PGAP1: variants seen among roughly 807,000 people sequenced by gnomAD.
PGAP1 encodes the protein GPI inositol-deacylase.
A neutral mutation model predicts 127.0 loss-of-function variants in PGAP1; 76 were observed. The observed-to-expected ratio is 0.60, with a 90% CI of 0.50 to 0.72. The LOEUF (loss-of-function observed/expected upper bound fraction) is 0.72, where lower values mean the gene tolerates loss of function less well. Ranked by LOEUF, PGAP1 falls within the 30% of genes least tolerant of loss-of-function variation. PGAP1 has a pLI of 0.00. For missense variants in PGAP1, 982 were observed against 1,071.3 expected, an observed-to-expected ratio of 0.92 and a Z score of 1.16; for synonymous variants, 362 against 366.5, an observed-to-expected ratio of 0.99 and a Z score of 0.14.
chr2:196,845,757 C>G, intron 23 of PGAP1, 125 bp downstream of exon 23: 1 of 641,530 alleles, frequency 1.6e-6, no homozygotes, highest in Non-Finnish European at 2.4e-6. Context: ...ACATTCAAAC[C>G]CGTTATGTAA....
Position 196,836,001 on chromosome 2 carries a change from C to CA in PGAP1, c.*5232dup, listed in dbSNP as rs747897834. On this transcript the variant is annotated 3_prime_UTR_variant, in exon 27 of 27. Transcript: ENST00000354764. ...AAACAAAAATGACATTAAAAAATAGCATATGAACTTTACAAAAATGGCTAC... is the reference window on the plus strand; with the variant it reads ...AAACAAAAATGACATTAAAAAATAGCAATATGAACTTTACAAAAATGGCTAC... 6.6e-6 allele frequency: 1 copy of CA among 151,958 alleles called. No homozygotes were observed. The highest frequency in any genetic ancestry group is 1.5e-5 in the Non-Finnish European group (1 of 67,868). The allele number at this position is 151,958 out of a possible 1,614,324, so 9.4% of individuals were successfully genotyped here.
intron 22 of PGAP1, 98 bp downstream of exon 22, chr2:196,846,905 G>C: frequency 5.8e-6 from 6 of 1,025,872 alleles, no homozygotes; most frequent in Non-Finnish European, 8.4e-6. Flanking sequence ...TTTTTCCTTA[G>C]AAAATAGTTT....
intron 4 of PGAP1, among the ~76,000 whole-genome samples, chr2:196,903,577 A>G (rs991678276): frequency 1.2e-3 from 183 of 151,526 alleles, no homozygotes; most frequent in African/African-American, 1.4e-3. Context: ...AAAAAAAAAA[A>G]AAAAGAAAAG....
chr2:196,886,900 G>T (rs1007601837), intron 10 of PGAP1, among the ~76,000 whole-genome samples: 22 of 152,050 alleles, frequency 1.4e-4, no homozygotes, highest in African/African-American at 5.1e-4. Flanking sequence ...ATTTCACCAT[G>T]TTGGCCAGGA....
intron 12 of PGAP1, among the ~76,000 whole-genome samples, chr2:196,882,891 T>G (rs1321025972): frequency 1.3e-5 from 2 of 152,186 alleles, no homozygotes; most frequent in Non-Finnish European, 2.9e-5. Context: ...AGTACTATGC[T>G]GAATAGGAGC....
At position 196,847,210 on chromosome 2, in the gene PGAP1, AAAG is replaced by A; in HGVS notation, c.1953-13_1953-11del. The A allele has an allele frequency of 1.3e-6, 2 of 1,589,764 alleles. No individual in the cohort carries two copies. Among genetic ancestry groups the A allele is most frequent in the South Asian group, 1.2e-5 (1 of 86,848 alleles). On this transcript the variant is annotated splice_polypyrimidine_tract_variant and intron_variant, in intron 21 of 26. Coordinates refer to ENST00000354764, the MANE Select transcript of PGAP1 (RefSeq NM_024989.4). Reference sequence around the variant, plus strand: ...TTTAAACCATTTATACCTGTGGAGAAAAGAAAATATAAAAGCAAAAAACCCAAC... The same window carrying A: ...TTTAAACCATTTATACCTGTGGAGAAAAAATATAAAAGCAAAAAACCCAAC...
At chr2:196,896,881 G>A (rs961431489) in intron 7 of PGAP1, among the ~76,000 whole-genome samples, 7 of 149,348 alleles carry the variant, frequency 4.7e-5, no homozygotes, top group Admixed American at 4.0e-4. Context: ...TTTAAGCAGT[G>A]GAAAGAACTG....
chr2:196,875,250 A>G (rs1187132707), intron 14 of PGAP1, among the ~76,000 whole-genome samples: 1 of 152,224 alleles, frequency 6.6e-6, no homozygotes, highest in Non-Finnish European at 1.5e-5. Context: ...TAGTTTAATT[A>G]ACAGTATTGC....
At chr2:196,897,708 A>C (rs1455369044) in intron 6 of PGAP1, among the ~76,000 whole-genome samples, 3 of 152,144 alleles carry the variant, frequency 2.0e-5, no homozygotes, top group Admixed American at 1.3e-4. Flanking sequence ...GTCCTACCAA[A>C]AGTGCAGTTG....
chr2:196,896,929 T>C (rs1702300043), intron 7 of PGAP1, among the ~76,000 whole-genome samples: 1 of 151,974 alleles, frequency 6.6e-6, no homozygotes, highest in African/African-American at 2.4e-5. Context: ...TCATTTTCAT[T>C]GCATTTTACA....
chr2:196,865,316 T>C (rs1701204866), intron 19 of PGAP1, among the ~76,000 whole-genome samples: 2 of 152,190 alleles, frequency 1.3e-5, no homozygotes, highest in South Asian at 2.1e-4. Flanking sequence ...GTAGCATATA[T>C]GTCCTGAAAA....
intron 24 of PGAP1, 110 bp downstream of exon 24, chr2:196,844,414 T>C: frequency 1.5e-6 from 1 of 678,064 alleles, no homozygotes; most frequent in South Asian, 2.3e-5. Flanking sequence ...AAATTCATAA[T>C]ACTGTATCTT....
At chr2:196,872,332 T>G (rs1701431817) in intron 18 of PGAP1, 109 bp downstream of exon 18, 4 of 670,190 alleles carry the variant, frequency 6.0e-6, no homozygotes, top group Non-Finnish European at 1.0e-5. Context: ...TGCCTATTTT[T>G]TATATGCATT....
intron 5 of PGAP1, among the ~76,000 whole-genome samples, chr2:196,899,949 A>G (rs1347641428): frequency 6.6e-6 from 1 of 152,236 alleles, no homozygotes; most frequent in Non-Finnish European, 1.5e-5. Context: ...GAGGCAGAAG[A>G]ATCGCTTGAA....
At chr2:196,901,187 C>T (rs756787340) in intron 5 of PGAP1, among the ~76,000 whole-genome samples, 1 of 152,194 alleles carries the variant, frequency 6.6e-6, no homozygotes, top group Non-Finnish European at 1.5e-5. Flanking sequence ...CAACAAATAT[C>T]TGACCAAAAT....
Position 196,834,880 on chromosome 2 carries a change from T to C in PGAP1, c.*6354A>G. The C allele has an allele frequency of 6.6e-6, 1 of 152,030 alleles. No individual in the cohort carries two copies. Among genetic ancestry groups the C allele is most frequent in the Middle Eastern group, 3.2e-3 (1 of 316 alleles). 9.4% of individuals were successfully genotyped at this position (152,030 alleles called of 1,614,324 possible). On this transcript the variant is annotated 3_prime_UTR_variant, in exon 27 of 27. Coordinates refer to ENST00000354764, the MANE Select transcript of PGAP1 (RefSeq NM_024989.4). Reference sequence around the variant, plus strand: ...TAGGCCTTGTACACTATCTTTTTACTAATAACACCTATGGTCCCCATTAGA... The same window carrying C: ...TAGGCCTTGTACACTATCTTTTTACCAATAACACCTATGGTCCCCATTAGA...
chr2:196,883,315 A>C (rs1192342703), intron 12 of PGAP1, among the ~76,000 whole-genome samples: 5 of 152,232 alleles, frequency 3.3e-5, no homozygotes, highest in South Asian at 4.1e-4. Flanking sequence ...AGAGATGCTC[A>C]AGCTAAAGAA....
chr2:196,880,181 T>G, intron 12 of PGAP1, 28 bp from the exon 13 acceptor site: 1 of 1,337,450 alleles, frequency 7.5e-7, no homozygotes, highest in Non-Finnish European at 1.0e-6. Flanking sequence ...GAAACTACTT[T>G]TATTTCTTAG....
At chr2:196,903,560 C>CAAA (rs11312715) in intron 4 of PGAP1, among the ~76,000 whole-genome samples, 5 of 79,310 alleles carry the variant, frequency 6.3e-5, no homozygotes, top group East Asian at 3.6e-4. Context: ...GACTCTGTCT[C>CAAA]AAAAAAAAAA....
Sources: allele counts gnomAD v4.1 joint callset (sites outside exome capture counted in the v4.1 genomes callset), GRCh38; gene constraint gnomAD v4.1.1; transcripts MANE v1.5; gene names NCBI Gene and HGNC (gene_info 2026-07-23, HGNC 2026-07-21).